IRAK1BP1: variants seen among roughly 807,000 people sequenced by gnomAD.
The protein encoded by IRAK1BP1 is interleukin 1 receptor associated kinase 1 binding protein 1, also known as interleukin-1 receptor-associated kinase 1-binding protein 1.
IRAK1BP1 carries 24 observed loss-of-function variants against 28.0 expected under a neutral mutation model. The observed-to-expected ratio is 0.86, with a 90% confidence interval of 0.62 to 1.20. The LOEUF (loss-of-function observed/expected upper bound fraction) is 1.20. Among genes scored for constraint, IRAK1BP1 ranks in the 50% most tolerant of loss-of-function variants. The pLI is 0.00. For synonymous variants in IRAK1BP1, 131 were observed against 116.3 expected (o/e 1.13, Z -0.81); for missense variants, 336 against 316.7 (o/e 1.06, Z -0.46).
rs2135771 is a variant in IRAK1BP1 at position 78,900,639 on chromosome 6, T to C, written c.*2305T>C. 135,976 of 152,248 alleles carry C rather than the reference T, an allele frequency of 0.89. 60,754 individuals are homozygous for C. Among genetic ancestry groups the C allele is most frequent in the Admixed American group, 0.9 (13,823 of 15,294 alleles). 9.4% of individuals were successfully genotyped at this position (152,248 alleles called of 1,614,324 possible). ...CCCAGAGGTAGTCTCAGGGCCAATATCAAGTATGCTCTCAAATATTTGCTG... is the reference window on the plus strand; with the variant it reads ...CCCAGAGGTAGTCTCAGGGCCAATACCAAGTATGCTCTCAAATATTTGCTG... On this transcript the variant is annotated 3_prime_UTR_variant, in exon 4 of 4. Transcript: ENST00000369940.
At position 78,898,101 on chromosome 6, in the gene IRAK1BP1, C is replaced by A. The variant is rs755416908; in HGVS notation, c.550C>A (p.Arg184Ser). ...ACLVAVENAWRKAQEVCNLVG... is the reference protein window; with the variant it reads ...ACLVAVENAWSKAQEVCNLVG... ...TCTTGTTGCTGTTGAGAATGCGTGG[C>A]GCAAAGCTCAAGAAGTCTGTAACCT... is the stretch of plus-strand genomic sequence containing the variant. The change falls in exon 4 of 4, where the codon CGC becomes AGC. Residue 184 changes from arginine to serine, a missense_variant. Arg to Ser is a moderately radical substitution (Grantham distance 110). Transcript: ENST00000369940. 4 of 1,612,786 alleles carry A rather than the reference C, an allele frequency of 2.5e-6. No individual in the cohort carries two copies. The Admixed American group carries it at 6.7e-5, about 27-fold the overall frequency.
At chr6:78,917,167 C>A (rs1412703250) in intron 4 of IRAK1BP1, among the ~76,000 whole-genome samples, 1 of 151,792 alleles carries the variant, frequency 6.6e-6, no homozygotes, top group Non-Finnish European at 1.5e-5. Context: ...AAAATAAACA[C>A]AAAGAATCTT....
intron 4 of IRAK1BP1, among the ~76,000 whole-genome samples, chr6:78,930,382 G>T (rs921190016): frequency 5.3e-5 from 8 of 151,968 alleles, no homozygotes; most frequent in South Asian, 2.1e-4. Flanking sequence ...TCTTATATTT[G>T]TACACTATGG....
intron 4 of IRAK1BP1, among the ~76,000 whole-genome samples, chr6:78,942,574 T>C (rs868692593): frequency 2.0e-5 from 3 of 152,286 alleles, no homozygotes; most frequent in African/African-American, 7.2e-5. Flanking sequence ...AAGCTTTTAA[T>C]TCCTGACCCC....
chr6:78,975,411 A>G, the IRAK1BP1 span, among the ~76,000 whole-genome samples: 1 of 152,346 alleles, frequency 6.6e-6, no homozygotes, highest in Non-Finnish European at 1.5e-5. Flanking sequence ...ACCCACAGCC[A>G]ATATCATACT....
intron 1 of IRAK1BP1, among the ~76,000 whole-genome samples, chr6:78,879,165 A>G (rs948636610): frequency 7.2e-5 from 11 of 152,192 alleles, no homozygotes; most frequent in African/African-American, 2.6e-4. Flanking sequence ...ACACTTGGAC[A>G]CAGGATGGGG....
At chr6:78,961,234 A>G in the IRAK1BP1 span, among the ~76,000 whole-genome samples, 1 of 152,064 alleles carries the variant, frequency 6.6e-6, no homozygotes, top group Non-Finnish European at 1.5e-5. Context: ...TTTCAGTGTT[A>G]TAAGTAATGA....
rs1366377444 is a variant in IRAK1BP1 at position 78,902,870 on chromosome 6, A to G, written c.*4536A>G. The G allele has an allele frequency of 3.2e-6, 2 of 620,824 alleles. No homozygotes were observed. The highest frequency in any genetic ancestry group is 3.7e-5 in the African/African-American group (2 of 54,360). 38.5% of individuals were successfully genotyped at this position (620,824 alleles called of 1,614,324 possible). On this transcript the variant is annotated 3_prime_UTR_variant, in exon 4 of 4. Coordinates refer to ENST00000369940, the MANE Select transcript of IRAK1BP1 (RefSeq NM_001010844.4). ...CTGTAGTTCACAGTGGGTAATTCAA[A>G]TCAGACACTGCTCTTCAAGAGAGGT...
chr6:78,946,883 G>GA (rs369427137), downstream of IRAK1BP1: 6,189 of 1,274,568 alleles, frequency 4.9e-3, no homozygotes, highest in Non-Finnish European at 5.4e-3. Flanking sequence ...ATCTGTGAGG[G>GA]AAAAAAAAAA....
intron 4 of IRAK1BP1, among the ~76,000 whole-genome samples, chr6:78,945,078 ATTTC>A (rs1164688322): frequency 2.0e-5 from 3 of 150,320 alleles, no homozygotes; most frequent in African/African-American, 4.9e-5. Flanking sequence ...TTGAAGATTT[ATTTC>A]TTTTTTTTTT....
rs770143861 is a variant in IRAK1BP1 at position 78,867,764 on chromosome 6, CG to C, written c.191del (p.Gly64AlafsTer11). Reference protein sequence around the residue: ...VQVSGTSEVSAGPDRAQVVVR... With the variant: ...VQVSGTSEVSXGPDRAQVVVR... ...GTAAGCGGCACCTCAGAAGTGTCTG[CG>C]GGCCCTGACCGGGCGCAGGTGGTGG... On this transcript the variant is annotated frameshift_variant, in exon 1 of 4. Transcript: ENST00000369940. LOFTEE classifies it high-confidence loss of function. The C allele has an allele frequency of 6.2e-5, 100 of 1,614,132 alleles. No individual in the cohort carries two copies. The East Asian group carries it at 2.0e-3, about 33-fold the overall frequency.
chr6:78,867,677 T>C lies in IRAK1BP1; in HGVS notation c.101T>C (p.Leu34Pro). ...AACCTGGCCTCAGGGAGAGAGACGC[T>C]ACCGGGCTTACGCCACCCCCTCTCC... ...ENNLASGRET[L>P]PGLRHPLSST... is the part of the protein sequence containing the mutation. The change falls in exon 1 of 4, where the codon CTA becomes CCA. Residue 34 changes from leucine (L) to proline (P), a missense_variant. Leu to Pro is a moderately conservative substitution (Grantham distance 98). Transcript: ENST00000369940. 1.9e-6 allele frequency: 3 copies of C among 1,614,224 alleles called. No individual in the cohort carries two copies. The highest frequency in any genetic ancestry group is 1.6e-4 in the Middle Eastern group (1 of 6,062).
At chr6:78,886,041 C>T (rs1322427044) in intron 2 of IRAK1BP1, among the ~76,000 whole-genome samples, 2 of 152,082 alleles carry the variant, frequency 1.3e-5, no homozygotes, top group East Asian at 3.9e-4. Flanking sequence ...GTTTCTGATT[C>T]CAAACATTTT....
chr6:78,918,651 G>C (rs747517634), intron 4 of IRAK1BP1, among the ~76,000 whole-genome samples: 1 of 145,036 alleles, frequency 6.9e-6, no homozygotes, highest in Non-Finnish European at 1.5e-5. Context: ...TCAACAAGAG[G>C]ACAACTGTCC....
intron 1 of IRAK1BP1, chr6:78,871,642 A>G: frequency 1.6e-5 from 9 of 554,684 alleles, no homozygotes; most frequent in Non-Finnish European, 2.1e-5. Context: ...TTAGGAGGTG[A>G]TTGGGACATG....
chr6:78,967,601 C>T, the IRAK1BP1 span, among the ~76,000 whole-genome samples: 3 of 151,956 alleles, frequency 2.0e-5, no homozygotes, highest in Non-Finnish European at 2.9e-5. Context: ...ATGCATATAT[C>T]CTCAGATATA....
At chr6:78,892,593 TA>T (rs1771701166) in intron 2 of IRAK1BP1, among the ~76,000 whole-genome samples, 1 of 152,102 alleles carries the variant, frequency 6.6e-6, no homozygotes. Context: ...GTAAAGCTCA[TA>T]ATAAGGAGAA....
chr6:78,929,800 T>C (rs1304454659), intron 4 of IRAK1BP1, among the ~76,000 whole-genome samples: 1 of 152,234 alleles, frequency 6.6e-6, no homozygotes, highest in African/African-American at 2.4e-5. Flanking sequence ...AAGAGACAAG[T>C]TAGTCTGGAG....
At chr6:78,950,133 G>T (rs757314663), downstream of IRAK1BP1, among the ~76,000 whole-genome samples, 1 of 152,142 alleles carries the variant, frequency 6.6e-6, no homozygotes, top group Non-Finnish European at 1.5e-5. Context: ...TGGATTACTT[G>T]ATATAATCAT....
Sources: allele counts gnomAD v4.1 joint callset (sites outside exome capture counted in the v4.1 genomes callset), GRCh38; gene constraint gnomAD v4.1.1; transcripts MANE v1.5; gene names NCBI Gene and HGNC (gene_info 2026-07-23, HGNC 2026-07-21).